Variants in COL10A1 observed in about 807,000 individuals in gnomAD.
The protein encoded by COL10A1 is collagen type X alpha 1 chain.
A neutral mutation model predicts 18.2 loss-of-function variants in COL10A1; 10 were observed. That is an observed-to-expected ratio of 0.55 (90% CI 0.34 to 0.93). The LOEUF (loss-of-function observed/expected upper bound fraction) is 0.93. COL10A1 is among the 40% of genes least tolerant of loss of function. The probability of loss-of-function intolerance (pLI) is 0.02; values close to 1 mark genes in which losing one functional copy is unlikely to be tolerated. For missense variants in COL10A1, 897 were observed against 853.5 expected (o/e 1.05, Z -0.64); for synonymous variants, 330 against 316.6 (o/e 1.04, Z -0.45).
the COL10A1 span, among the ~76,000 whole-genome samples, chr6:116,190,875 G>T: frequency 2.6e-5 from 4 of 152,094 alleles, no homozygotes; most frequent in Admixed American, 2.0e-4. Context: ...GTTCTGTGTG[G>T]TGCTTCTACA....
chr6:116,130,643 C>T (rs1002305313), upstream of COL10A1, among the ~76,000 whole-genome samples: 4 of 151,986 alleles, frequency 2.6e-5, no homozygotes, highest in Admixed American at 1.3e-4. Flanking sequence ...AGCTAAGAAA[C>T]GTATGCACAG....
At chr6:116,174,940 A>T in the COL10A1 span, among the ~76,000 whole-genome samples, 1 of 152,116 alleles carries the variant, frequency 6.6e-6, no homozygotes, top group Non-Finnish European at 1.5e-5. Flanking sequence ...TTTATAATAA[A>T]CCATTTTGTC....
At chr6:116,183,667 T>G in the COL10A1 span, among the ~76,000 whole-genome samples, 1 of 151,882 alleles carries the variant, frequency 6.6e-6, no homozygotes, top group African/African-American at 2.4e-5. Flanking sequence ...GCAGCTTTTA[T>G]AAAAGGGGTT....
chr6:116,145,489 T>A (rs1162412491), intron 1 of COL10A1: 1 of 372,006 alleles, frequency 2.7e-6, no homozygotes, highest in Non-Finnish European at 6.1e-6. Context: ...AGTTTCATAC[T>A]TATTTAAGAG....
the COL10A1 span, among the ~76,000 whole-genome samples, chr6:116,194,934 A>G: frequency 1.1e-4 from 16 of 152,166 alleles, no homozygotes; most frequent in Non-Finnish European, 1.6e-4. Context: ...TCATAGTTGG[A>G]TACTGTGGCA....
the COL10A1 span, among the ~76,000 whole-genome samples, chr6:116,211,778 T>C: frequency 6.6e-6 from 1 of 152,108 alleles, no homozygotes; most frequent in Admixed American, 6.6e-5. Context: ...GATATTGGAA[T>C]GTTTGCTTTG....
Position 116,134,712 on chromosome 6 carries a change from C to A in COL10A1, c.-15-9205G>T, listed in dbSNP as rs560051660. ...AGGTCCTAGTATTAACAACTTCTTC[C>A]CAAAGTAGTTTTCACAAAAGAAAAT... On this transcript the variant is annotated intron_variant, in intron 1 of 1. Transcript: ENST00000418500. Among the ~76,000 whole-genome samples the A allele has an allele frequency of 2.0e-5, 3 of 152,236 alleles. No individual in the cohort carries two copies. The South Asian group carries it at 6.2e-4, about 32-fold the overall frequency.
At chr6:116,137,559 T>G (rs28634952) in intron 1 of COL10A1, 2 of 214,304 alleles carry the variant, frequency 9.3e-6, no homozygotes, top group Non-Finnish European at 9.9e-6. Flanking sequence ...GGTCTCCTCT[T>G]TAGTCAAAGG....
At chr6:116,155,625 G>A (rs1481111193) in intron 1 of COL10A1, among the ~76,000 whole-genome samples, 5 of 151,964 alleles carry the variant, frequency 3.3e-5, no homozygotes, top group Non-Finnish European at 7.4e-5. Flanking sequence ...TTACATATGA[G>A]TGAGGTTACT....
chr6:116,191,805 T>C, the COL10A1 span, among the ~76,000 whole-genome samples: 5 of 152,152 alleles, frequency 3.3e-5, no homozygotes, highest in South Asian at 1.0e-3. Flanking sequence ...GTACAGTATT[T>C]ATATATTTGT....
At chr6:116,209,120 G>C in the COL10A1 span, among the ~76,000 whole-genome samples, 1 of 151,838 alleles carries the variant, frequency 6.6e-6, no homozygotes, top group African/African-American at 2.4e-5. Flanking sequence ...ATAACTAATT[G>C]TATTTTTATT....
chr6:116,157,236 C>T (rs894448864), intron 1 of COL10A1, among the ~76,000 whole-genome samples: 1 of 152,162 alleles, frequency 6.6e-6, no homozygotes, highest in Non-Finnish European at 1.5e-5. Flanking sequence ...GAGGATTCCC[C>T]CCCATATCTC....
chr6:116,158,350 C>G (rs957909791), intron 1 of COL10A1, among the ~76,000 whole-genome samples: 1 of 151,840 alleles, frequency 6.6e-6, no homozygotes, highest in African/African-American at 2.4e-5. Flanking sequence ...ATCTCCTACT[C>G]AAGCTTCTCT....
At chr6:116,168,891 A>T in the COL10A1 span, among the ~76,000 whole-genome samples, 1 of 152,152 alleles carries the variant, frequency 6.6e-6, no homozygotes, top group African/African-American at 2.4e-5. Flanking sequence ...AGGTGATGTG[A>T]AGTTGTGCTT....
At chr6:116,133,247 T>G (rs1779512995) in intron 1 of COL10A1, among the ~76,000 whole-genome samples, 1 of 152,212 alleles carries the variant, frequency 6.6e-6, no homozygotes, top group Non-Finnish European at 1.5e-5. Flanking sequence ...GGATCTTGGC[T>G]ACCCAATGGG....
upstream of COL10A1, among the ~76,000 whole-genome samples, chr6:116,127,570 A>G (rs965966287): frequency 6.6e-6 from 1 of 152,208 alleles, no homozygotes; most frequent in Non-Finnish European, 1.5e-5. Context: ...GTAGGAGACT[A>G]CAAAAGATAA....
chr6:116,200,538 CT>C, the COL10A1 span, among the ~76,000 whole-genome samples: 1 of 151,916 alleles, frequency 6.6e-6, no homozygotes, highest in Non-Finnish European at 1.5e-5. Flanking sequence ...CCATCTAAAA[CT>C]ACTAAAATTA....
chr6:116,211,009 T>A, the COL10A1 span, among the ~76,000 whole-genome samples: 15 of 152,030 alleles, frequency 9.9e-5, no homozygotes, highest in African/African-American at 3.6e-4. Context: ...ATCAGTAAAA[T>A]TCAGCAGAAG....
chr6:116,166,239 A>G, the COL10A1 span, among the ~76,000 whole-genome samples: 10 of 152,140 alleles, frequency 6.6e-5, no homozygotes, highest in African/African-American at 2.4e-4. Context: ...GATCCTGGCT[A>G]TCTTCCCTAA....
Sources: gnomAD v4.1 joint callset for allele counts (sites outside exome capture counted in the v4.1 genomes callset) on GRCh38, gnomAD v4.1.1 for gene constraint, MANE v1.5 for transcripts, NCBI Gene and HGNC (gene_info 2026-07-23, HGNC 2026-07-21) for gene names.